The following ADCY1 variants were observed in gnomAD, a reference collection of about 807,000 sequenced individuals.
ADCY1 encodes adenylate cyclase type 1.
In ADCY1, 28 loss-of-function variants were observed where a neutral mutation model predicts 105.4. The observed-to-expected ratio is 0.27, with a 90% CI of 0.20 to 0.36. ADCY1 has a LOEUF of 0.36. ADCY1 is among the 10% of genes least tolerant of loss of function. The pLI, the probability that ADCY1 is intolerant of heterozygous loss-of-function variation, is 1.00. For synonymous variants in ADCY1, 655 were observed against 623.8 expected, an observed-to-expected ratio of 1.05 and a Z score of -0.75; for missense variants, 977 against 1,434.2, an observed-to-expected ratio of 0.68 and a Z score of 5.15.
At chr7:45,683,423 C>T (rs1048774680) in intron 11 of ADCY1, among the ~76,000 whole-genome samples, 2 of 152,130 alleles carry the variant, frequency 1.3e-5, no homozygotes, top group African/African-American at 4.8e-5. Context: ...TTTCCCTTCA[C>T]CATTGTCCCT....
intron 2 of ADCY1, among the ~76,000 whole-genome samples, chr7:45,596,091 A>G (rs1327339305): frequency 6.6e-6 from 1 of 152,230 alleles, no homozygotes; most frequent in Non-Finnish European, 1.5e-5. Flanking sequence ...CTGCCTGGCC[A>G]TCCAGAGAGC....
intron 3 of ADCY1, among the ~76,000 whole-genome samples, chr7:45,619,956 G>T (rs1793846336): frequency 6.6e-6 from 1 of 152,066 alleles, no homozygotes; most frequent in Non-Finnish European, 1.5e-5. Context: ...ACATCAAATT[G>T]TACACCACAT....
chr7:45,618,262 C>A (rs1793793904), intron 3 of ADCY1, among the ~76,000 whole-genome samples: 1 of 152,152 alleles, frequency 6.6e-6, no homozygotes, highest in Non-Finnish European at 1.5e-5. Context: ...AAGACCCAGA[C>A]TATGAAATTT....
At chr7:45,698,168 C>G (rs1418079816) in intron 14 of ADCY1, among the ~76,000 whole-genome samples, 4 of 149,102 alleles carry the variant, frequency 2.7e-5, no homozygotes, top group Non-Finnish European at 5.9e-5. Context: ...CTCTCTTACA[C>G]ACACACACAC....
chr7:45,710,948 C>T lies in ADCY1; in HGVS notation c.3057+296C>T, dbSNP rs1785219975. Reference sequence around the variant, plus strand: ...CCAGCAGCCTGGTGGCTCTCATTCACTCTGCACATCCCAGGACTCCGGACT... The same window carrying T: ...CCAGCAGCCTGGTGGCTCTCATTCATTCTGCACATCCCAGGACTCCGGACT... On this transcript the variant is annotated intron_variant, in intron 19 of 19. Transcript: ENST00000297323. This position sits in a 1 kb window ranked among gnomAD's most constrained non-coding sequence, Gnocchi z 4.7. Among the ~76,000 whole-genome samples the T allele has an allele frequency of 6.6e-6, 1 of 152,290 alleles. No homozygotes were observed. Among genetic ancestry groups the T allele is most frequent in the East Asian group, 1.9e-4 (1 of 5,174 alleles).
At chr7:45,610,748 T>TAGTG (rs1562686937) in intron 3 of ADCY1, among the ~76,000 whole-genome samples, 3 of 142,426 alleles carry the variant, frequency 2.1e-5, no homozygotes, top group East Asian at 2.1e-4. Context: ...GGGGAGGTGA[T>TAGTG]GATGGAGGTG....
chr7:45,620,202 T>C (rs904386170), intron 3 of ADCY1, among the ~76,000 whole-genome samples: 1 of 152,114 alleles, frequency 6.6e-6, no homozygotes, highest in Admixed American at 6.5e-5. Context: ...GTCGAAATCA[T>C]AGAATTAAAG....
At chr7:45,678,683 C>G (rs1437525787) in intron 10 of ADCY1, among the ~76,000 whole-genome samples, 1 of 144,214 alleles carries the variant, frequency 6.9e-6, no homozygotes, top group Non-Finnish European at 1.5e-5. Context: ...AGTTCAAGAC[C>G]AGCCTGAGCA....
intron 14 of ADCY1, among the ~76,000 whole-genome samples, chr7:45,701,324 T>G (rs999336820): frequency 5.3e-5 from 8 of 152,106 alleles, no homozygotes; most frequent in Admixed American, 6.5e-5. Context: ...TGTGGATGGA[T>G]TAAGAGATAT....
chr7:45,711,889 T>TTTATATATTATATTAAATATATAAATATG (rs1562735906), intron 19 of ADCY1, among the ~76,000 whole-genome samples: 7 of 92,150 alleles, frequency 7.6e-5, no homozygotes, highest in African/African-American at 3.1e-4. Context: ...TATAAATATA[T>TTTATATATTATATTAAATATATAAATATG]TTATATATTA....
intron 8 of ADCY1, among the ~76,000 whole-genome samples, chr7:45,671,570 C>T (rs1443677985): frequency 1.3e-5 from 2 of 152,104 alleles, no homozygotes; most frequent in Non-Finnish European, 2.9e-5. Flanking sequence ...TCCATCCTCA[C>T]CAGCATTTGG....
chr7:45,621,758 C>T (rs759497749), intron 3 of ADCY1, among the ~76,000 whole-genome samples: 3 of 152,046 alleles, frequency 2.0e-5, no homozygotes, highest in South Asian at 2.1e-4. Context: ...GTGCTGGGGG[C>T]GTTCTGGGTT....
At chr7:45,700,228 AATCTCAGG>A (rs1343552162) in intron 14 of ADCY1, among the ~76,000 whole-genome samples, 1 of 152,164 alleles carries the variant, frequency 6.6e-6, no homozygotes, top group African/African-American at 2.4e-5. Context: ...GGTCACCCTG[AATCTCAGG>A]ATTCATCCGT....
At chr7:45,656,329 T>C (rs2075947102) in intron 5 of ADCY1, among the ~76,000 whole-genome samples, 1 of 151,928 alleles carries the variant, frequency 6.6e-6, no homozygotes, top group Non-Finnish European at 1.5e-5. Context: ...ATATTCAAAA[T>C]ATGTAAAACT....
chr7:45,657,587 A>G, intron 5 of ADCY1, 140 bp from the exon 6 acceptor site: 1 of 888,332 alleles, frequency 1.1e-6, no homozygotes, highest in Non-Finnish European at 1.7e-6. Flanking sequence ...CTATGCCAGG[A>G]GACCTCCACG....
Position 45,686,708 on chromosome 7 carries a change from G to A in ADCY1, c.2454+35G>A, listed in dbSNP as rs771997446. 3.2e-6 allele frequency: 5 copies of A among 1,572,560 alleles called. No homozygotes were observed. The highest frequency in any genetic ancestry group is 3.5e-6 in the Non-Finnish European group (4 of 1,155,248). On this transcript the variant is annotated intron_variant, in intron 14 of 19. Transcript: ENST00000297323. The surrounding 1 kb of genome is among the most constrained non-coding windows in gnomAD (Gnocchi z 4.3). ...GCCCTTTCTGCTTTCTGGGGGTGGG[G>A]GATTTAGAGGAGGAAGAAGTCTTCA...
intron 8 of ADCY1, among the ~76,000 whole-genome samples, chr7:45,668,173 G>A (rs374568496): frequency 6.6e-6 from 1 of 152,216 alleles, no homozygotes; most frequent in African/African-American, 2.4e-5. Context: ...ATGTTGAATA[G>A]GAGTGGTGAG....
rs1247130296 is a variant in ADCY1 at position 45,679,790 on chromosome 7, C to T, written c.1980C>T (p.Val660=). The change falls in exon 11 of 20, where the codon GTC becomes GTT. Residue 660 remains valine, a synonymous_variant. Coordinates refer to ENST00000297323, the MANE Select transcript of ADCY1 (RefSeq NM_021116.4). Reference sequence around the variant, plus strand: ...TCCTGTACCTGCACATCACCCGGGTCCAGGTATGTGGGTGGCCTGTGTCCT... The same window carrying T: ...TCCTGTACCTGCACATCACCCGGGTTCAGGTATGTGGGTGGCCTGTGTCCT... The part of the protein sequence containing the change: ...ACVLYLHITR[V]QCFPGCLTIQ... The T allele has an allele frequency of 6.2e-7, 1 of 1,613,988 alleles. No homozygotes were observed. The highest frequency in any genetic ancestry group is 8.5e-7 in the Non-Finnish European group (1 of 1,179,942).
chr7:45,608,311 A>T (rs537135778), intron 2 of ADCY1, among the ~76,000 whole-genome samples: 94 of 152,306 alleles, frequency 6.2e-4, no homozygotes, highest in African/African-American at 2.2e-3. Context: ...TTTTTGCTAG[A>T]ACAAGCTGTT....
Sources: gnomAD v4.1 joint callset for allele counts (sites outside exome capture counted in the v4.1 genomes callset) on GRCh38, gnomAD v4.1.1 for gene constraint, Gnocchi (gnomAD v3.1) non-coding constraint, MANE v1.5 for transcripts, NCBI Gene and HGNC (gene_info 2026-07-23, HGNC 2026-07-21) for gene names.